CFAP46: variants seen among roughly 807,000 people sequenced by gnomAD.
CFAP46 encodes the protein cilia and flagella associated protein 46, also known as cilia- and flagella-associated protein 46.
In CFAP46, 245 loss-of-function variants were observed where a neutral mutation model predicts 325.7. That is an observed-to-expected ratio of 0.75 (90% confidence interval 0.68 to 0.84). The LOEUF is 0.84. Among genes scored for constraint, CFAP46 ranks in the 40% least tolerant of loss-of-function variants. The pLI, the probability that CFAP46 is intolerant of heterozygous loss-of-function variation, is 0.00. For synonymous variants in CFAP46, 1,523 were observed against 1,495.9 expected (o/e 1.02, Z -0.42); for missense variants, 3,346 against 3,543.0 (o/e 0.94, Z 1.41).
At chr10:132,816,677 C>T (rs1456152805) in intron 50 of CFAP46, among the ~76,000 whole-genome samples, 2 of 152,174 alleles carry the variant, frequency 1.3e-5, no homozygotes, top group Admixed American at 6.5e-5. Context: ...GAATTCCTGG[C>T]GCTTTTCCTA....
chr10:132,867,083 G>A (rs187110918), intron 34 of CFAP46, among the ~76,000 whole-genome samples: 149 of 151,984 alleles, frequency 9.8e-4, no homozygotes, highest in African/African-American at 3.0e-3. Context: ...GAAGCCCCTC[G>A]CACACTGACA....
chr10:132,887,417 TCTC>T (rs1849162790), intron 25 of CFAP46, among the ~76,000 whole-genome samples: 1 of 97,040 alleles, frequency 1.0e-5, no homozygotes, highest in Non-Finnish European at 2.0e-5. Flanking sequence ...TCCTCTCCTC[TCTC>T]CTCCCCTCTT....
In CFAP46 at chr10:132,860,931, A is replaced by G. The variant is rs1288116557; in HGVS notation, c.4942T>C (p.Leu1648=). The G allele has an allele frequency of 1.2e-5, 19 of 1,550,660 alleles. No individual in the cohort carries two copies. The East Asian group carries it at 4.2e-4, about 34-fold the overall frequency. Residue 1648 remains leucine, a synonymous_variant, in exon 36 of 58, where the codon TTG becomes CTG. Transcript: ENST00000368586. ...CCATAGTTTTTCTCCTTGTTGGCCA[A>G]CTGTGCGAGGAGGAGCAGGCACTGG... The part of the protein sequence containing the change: ...EAQCLLLLAQ[L]ANKEKNYGQA...
rs573782696 is a variant in CFAP46, at chr10:132,853,126, C to T, written c.5575-1821G>A. On this transcript the variant is annotated intron_variant, in intron 39 of 57. Coordinates refer to ENST00000368586, the MANE Select transcript of CFAP46 (RefSeq NM_001200049.3). ...TGAGAAGAGGGCACATCCTCGTCTT[C>T]GTCCTTATCGAAAGGGGGCATCAGT... Among the ~76,000 whole-genome samples, 51 of 152,306 alleles carry T rather than the reference C, an allele frequency of 3.3e-4. No homozygotes were observed. The South Asian group carries it at 8.7e-3, about 26-fold the overall frequency.
rs1849585945 is a variant in CFAP46, at chr10:132,913,421, G to A, written c.2121-163C>T. 2.6e-5 allele frequency among the ~76,000 whole-genome samples: 4 copies of A among 152,278 alleles called. No individual in the cohort carries two copies. In the South Asian group the frequency reaches 6.2e-4, roughly 24 times the overall value. ...CATCTGCATTTACAGTCGCCCCGCC[G>A]CTGGCACTCCCACCTGAGCCCCGCC... is the stretch of plus-strand genomic sequence containing the variant. On this transcript the variant is annotated intron_variant, in intron 17 of 57. Coordinates refer to ENST00000368586, the MANE Select transcript of CFAP46 (RefSeq NM_001200049.3).
At chr10:132,836,031 T>TC (rs1848238875) in intron 46 of CFAP46, 111 bp downstream of exon 46, 1 of 45,778 alleles carries the variant, frequency 2.2e-5, no homozygotes, top group African/African-American at 1.0e-4. Context: ...CCGCTCCCCC[T>TC]CCCCTCCACC....
chr10:132,879,729 C>G, intron 28 of CFAP46, 98 bp from the exon 29 acceptor site: 1 of 1,224,784 alleles, frequency 8.2e-7, no homozygotes, highest in Non-Finnish European at 1.1e-6. Context: ...GTGGACTGCC[C>G]GGTGCCTCGC....
intron 26 of CFAP46, 58 bp downstream of exon 26, chr10:132,885,763 T>TGTGGGGAGCACTCACGGGCGGG (rs1849117115): frequency 7.5e-7 from 1 of 1,336,424 alleles, no homozygotes; most frequent in Admixed American, 2.8e-5. Context: ...TCACAGGCGG[T>TGTGGGGAGCACTCACGGGCGGG]GGGGGGAGCA....
rs1319516266 is a variant in CFAP46, at chr10:132,885,873, G to T, written c.3391C>A (p.Leu1131Ile). ...TGCACAGCCTCGTCCAGCACCTTGAGGCCGCCCTCCCAGTCGTCCTGGTCG... is the reference window on the plus strand; with the variant it reads ...TGCACAGCCTCGTCCAGCACCTTGATGCCGCCCTCCCAGTCGTCCTGGTCG... ...HADQDDWEGG[L>I]KVLDEAVQVL... is the part of the protein sequence containing the mutation. Residue 1131 changes from leucine (L) to isoleucine (I), a missense_variant, in exon 26 of 58, where the codon CTC becomes ATC. Coordinates refer to ENST00000368586, the MANE Select transcript of CFAP46 (RefSeq NM_001200049.3). 6.5e-7 allele frequency: 1 copy of T among 1,550,256 alleles called. No homozygotes were observed. Among genetic ancestry groups the T allele is most frequent in the Non-Finnish European group, 8.7e-7 (1 of 1,146,872 alleles).
intron 56 of CFAP46, 68 bp downstream of exon 56, chr10:132,810,882 C>A (rs1022127683): frequency 9.8e-6 from 14 of 1,433,890 alleles, no homozygotes; most frequent in Non-Finnish European, 1.3e-5. Flanking sequence ...CCTTGTGGGT[C>A]CCACGCCCGT....
rs1361824612 is a variant in CFAP46, at chr10:132,832,454, C to T, written c.7117+904G>A. 1.4e-5 allele frequency among the ~76,000 whole-genome samples: 2 copies of T among 145,586 alleles called. No individual in the cohort carries two copies. The highest frequency in any genetic ancestry group is 6.8e-5 in the Admixed American group (1 of 14,634). On this transcript the variant is annotated intron_variant, in intron 50 of 57. Coordinates refer to ENST00000368586, the MANE Select transcript of CFAP46 (RefSeq NM_001200049.3). The surrounding 1 kb of genome is among the most constrained non-coding windows in gnomAD (Gnocchi z 4.1). ...AGTAAGACCTGGGTGGGCCATGGCG[C>T]TCGCCAGCCAAACCCCCTTCGAGGC...
rs1848456452 is a variant in CFAP46, at chr10:132,847,341, T to C, written c.5953-20A>G. 7 of 1,612,640 alleles carry C rather than the reference T, an allele frequency of 4.3e-6. No individual in the cohort carries two copies. Among genetic ancestry groups the C allele is most frequent in the Non-Finnish European group, 5.1e-6 (6 of 1,179,510 alleles). ...GCCCACCTGTGACACACATTGCAGG[T>C]TGGCAGACACTTCTGGGTTCCTGCT... On this transcript the variant is annotated intron_variant, in intron 41 of 57. Transcript: ENST00000368586. The surrounding 1 kb of genome is among the most constrained non-coding windows in gnomAD (Gnocchi z 5.2).
In CFAP46 at chr10:132,860,973, C is replaced by T; in HGVS notation, c.4900G>A (p.Glu1634Lys). ...EAYLAFQELD[E>K]PCAEAQCLLL... The stretch of plus-strand genomic sequence containing the variant: ...AGGCACTGGGCCTCTGCACAAGGCT[C>T]ATCCAGCTCCTGAAGGAGAGAAACT... Residue 1634 changes from glutamate (E) to lysine (K), a missense_variant, in exon 36 of 58, where the codon GAG becomes AAG. Glu to Lys is a moderately conservative substitution (Grantham distance 56). Coordinates refer to ENST00000368586, the MANE Select transcript of CFAP46 (RefSeq NM_001200049.3). The T allele has an allele frequency of 6.4e-7, 1 of 1,550,628 alleles. No homozygotes were observed. Among genetic ancestry groups the T allele is most frequent in the South Asian group, 1.2e-5 (1 of 84,056 alleles).
At chr10:132,925,681 G>C (rs963547019) in intron 10 of CFAP46, among the ~76,000 whole-genome samples, 4 of 152,266 alleles carry the variant, frequency 2.6e-5, no homozygotes, top group Non-Finnish European at 5.9e-5. Context: ...AACCTCCCGC[G>C]AGAAGCTCAG....
At position 132,877,673 on chromosome 10, in the gene CFAP46, G is replaced by A. The variant is rs79630066; in HGVS notation, c.4212+208C>T. ...ACAGGGAGAGAAACTGAGGCACAGA[G>A]GCCAGCCGGGGCCCAGCCTCTGCAC... is the stretch of plus-strand genomic sequence containing the variant. On this transcript the variant is annotated intron_variant, in intron 30 of 57. Transcript: ENST00000368586. This position sits in a 1 kb window ranked among gnomAD's most constrained non-coding sequence, Gnocchi z 5.7. Among the ~76,000 whole-genome samples the A allele has an allele frequency of 0.079, 12,027 of 151,962 alleles. 1,236 individuals are homozygous for A. Among genetic ancestry groups the A allele is most frequent in the African/African-American group, 0.24 (9,759 of 41,410 alleles).
At chr10:132,941,092 G>A (rs773103461) in intron 3 of CFAP46, 32 bp from the exon 4 acceptor site, 36 of 1,609,760 alleles carry the variant, frequency 2.2e-5, no homozygotes, top group African/African-American at 1.3e-4. Flanking sequence ...CAATTAGACC[G>A]AAATACTGAC....
chr10:132,911,459 G>C (rs561916571), intron 19 of CFAP46, among the ~76,000 whole-genome samples: 1 of 152,136 alleles, frequency 6.6e-6, no homozygotes, highest in African/African-American at 2.4e-5. Flanking sequence ...CAGCTCCCCC[G>C]CCCCGTGCCC....
At chr10:132,890,594 C>T (rs991235883) in intron 25 of CFAP46, among the ~76,000 whole-genome samples, 5 of 152,166 alleles carry the variant, frequency 3.3e-5, no homozygotes, top group Non-Finnish European at 7.4e-5. Context: ...CAAGACCCTG[C>T]GCTCTTCCAC....
intron 54 of CFAP46, among the ~76,000 whole-genome samples, chr10:132,813,431 T>C (rs1408075986): frequency 3.5e-4 from 17 of 49,156 alleles, no homozygotes; most frequent in East Asian, 1.1e-3. Context: ...CAGCCCCACC[T>C]CTGCACACAC....
Sources: gnomAD v4.1 joint callset for allele counts (sites outside exome capture counted in the v4.1 genomes callset) on GRCh38, gnomAD v4.1.1 for gene constraint, Gnocchi (gnomAD v3.1) non-coding constraint, MANE v1.5 for transcripts, NCBI Gene and HGNC (gene_info 2026-07-23, HGNC 2026-07-21) for gene names.